Variants in SAMMSON observed in about 807,000 individuals in gnomAD.
SAMMSON encodes long intergenic non-protein coding RNA 1212.
At chr3:70,198,540 T>G (rs974007800) in intron 4 of SAMMSON, among the ~76,000 whole-genome samples, 5 of 152,216 alleles carry the variant, frequency 3.3e-5, no homozygotes, top group Non-Finnish European at 5.9e-5. Flanking sequence ...TATAAAGTTA[T>G]AAGGTGAGTC....
intron 2 of SAMMSON, among the ~76,000 whole-genome samples, chr3:70,417,140 G>A (rs991846973): frequency 3.3e-5 from 5 of 152,088 alleles, no homozygotes; most frequent in African/African-American, 1.2e-4. Context: ...TGGCACAGGA[G>A]TAAAACCCAA....
At chr3:70,404,487 T>C (rs1701164712) in intron 2 of SAMMSON, among the ~76,000 whole-genome samples, 1 of 152,070 alleles carries the variant, frequency 6.6e-6, no homozygotes, top group African/African-American at 2.4e-5. Context: ...CTTGATATAA[T>C]TAATCTTCTT....
intron 7 of SAMMSON, chr3:70,312,862 C>A (rs905189533): frequency 6.6e-6 from 1 of 151,954 alleles, no homozygotes; most frequent in Non-Finnish European, 1.5e-5. Flanking sequence ...AACTTTTCAA[C>A]TGGACCAAGT....
At chr3:70,225,831 A>T (rs1412686460) in intron 4 of SAMMSON, among the ~76,000 whole-genome samples, 1 of 152,248 alleles carries the variant, frequency 6.6e-6, no homozygotes, top group Non-Finnish European at 1.5e-5. Flanking sequence ...AAATAATGTT[A>T]TAATGAGCTT....
chr3:70,265,195 T>A (rs544770242), intron 6 of SAMMSON, among the ~76,000 whole-genome samples: 4 of 152,026 alleles, frequency 2.6e-5, no homozygotes, highest in Non-Finnish European at 5.9e-5. Context: ...AGGGGGAGAA[T>A]GTAAAGTAGG....
intron 4 of SAMMSON, among the ~76,000 whole-genome samples, chr3:70,237,656 A>G (rs1701623192): frequency 1.3e-5 from 2 of 152,234 alleles, no homozygotes; most frequent in Non-Finnish European, 2.9e-5. Context: ...TATTGCCTAA[A>G]TAGGGAAAAG....
At chr3:70,206,915 G>A (rs968012002) in intron 4 of SAMMSON, 2 of 392,712 alleles carry the variant, frequency 5.1e-6, no homozygotes, top group Non-Finnish European at 9.0e-6. Flanking sequence ...AACAAATGAA[G>A]TATTATTGAG....
intron 3 of SAMMSON, among the ~76,000 whole-genome samples, chr3:70,063,518 G>A (rs900402633): frequency 4.6e-5 from 7 of 152,052 alleles, no homozygotes; most frequent in Admixed American, 3.3e-4. Context: ...GGTAGGATCC[G>A]TGTGCCTCCT....
intron 4 of SAMMSON, among the ~76,000 whole-genome samples, chr3:70,082,612 C>T (rs1410955861): frequency 6.6e-6 from 1 of 152,178 alleles, no homozygotes; most frequent in Non-Finnish European, 1.5e-5. Context: ...AGAGGGAACA[C>T]AATGTAGTCA....
At chr3:70,217,894 A>G (rs1400596740) in intron 4 of SAMMSON, among the ~76,000 whole-genome samples, 1 of 152,146 alleles carries the variant, frequency 6.6e-6, no homozygotes, top group African/African-American at 2.4e-5. Flanking sequence ...TCAGGTTAAT[A>G]TCCATTTGTG....
At chr3:70,053,586 G>C (rs925489755) in intron 3 of SAMMSON, among the ~76,000 whole-genome samples, 1 of 152,100 alleles carries the variant, frequency 6.6e-6, no homozygotes, top group Admixed American at 6.6e-5. Flanking sequence ...TGCTAATTTT[G>C]TAAGATACTG....
intron 6 of SAMMSON, among the ~76,000 whole-genome samples, chr3:70,260,826 C>T (rs1381569381): frequency 6.6e-6 from 1 of 151,980 alleles, no homozygotes; most frequent in East Asian, 1.9e-4. Flanking sequence ...GACATCTGCC[C>T]ACCCTTTTAA....
chr3:70,211,322 C>T (rs1424898870), intron 4 of SAMMSON, among the ~76,000 whole-genome samples: 1 of 93,676 alleles, frequency 1.1e-5, no homozygotes, highest in East Asian at 3.6e-4. Flanking sequence ...CCTTCCCTTT[C>T]CTTCCTTTCC....
At chr3:70,428,479 G>GCTTT (rs879918036) in intron 2 of SAMMSON, among the ~76,000 whole-genome samples, 5 of 152,246 alleles carry the variant, frequency 3.3e-5, no homozygotes, top group African/African-American at 4.8e-5. Flanking sequence ...CAATGCAGTG[G>GCTTT]GAAAAGTGCT....
At chr3:70,365,815 T>C (rs1196982331) in intron 9 of SAMMSON, among the ~76,000 whole-genome samples, 2 of 151,780 alleles carry the variant, frequency 1.3e-5, no homozygotes, top group Non-Finnish European at 3.0e-5. Flanking sequence ...TCTTCAATTT[T>C]TTGGGAGATT....
intron 7 of SAMMSON, among the ~76,000 whole-genome samples, chr3:70,352,110 C>CAA (rs71126499): frequency 1.4e-5 from 2 of 138,976 alleles, no homozygotes; most frequent in South Asian, 2.3e-4. Context: ...CTCAATCTGG[C>CAA]AAAAAAAAAA....
At chr3:70,071,671 G>A (rs879592907) in intron 4 of SAMMSON, 1 of 151,956 alleles carries the variant, frequency 6.6e-6, no homozygotes, top group Admixed American at 6.6e-5. Flanking sequence ...CAGTTAGATT[G>A]CATCCATTGT....
At chr3:70,006,654 T>A (rs950921316) in intron 1 of SAMMSON, among the ~76,000 whole-genome samples, 2 of 152,110 alleles carry the variant, frequency 1.3e-5, no homozygotes, top group African/African-American at 4.8e-5. Flanking sequence ...ATTTTTTTAT[T>A]TTTTCCTTTT....
At chr3:70,036,345 G>A (rs192512196) in intron 3 of SAMMSON, among the ~76,000 whole-genome samples, 7 of 152,216 alleles carry the variant, frequency 4.6e-5, no homozygotes, top group African/African-American at 1.7e-4. Flanking sequence ...TATCTCATGT[G>A]TCCAACAGCC....
Sources: allele counts gnomAD v4.1 joint callset (sites outside exome capture counted in the v4.1 genomes callset), GRCh38; gene constraint gnomAD v4.1.1; transcripts MANE v1.5; gene names NCBI Gene and HGNC (gene_info 2026-07-23, HGNC 2026-07-21).